LVRN: variants seen among roughly 807,000 people sequenced by gnomAD.
LVRN encodes the protein aminopeptidase Q.
Under a neutral mutation model 111.4 loss-of-function variants are expected in LVRN, and 99 were observed. The observed-to-expected ratio is 0.89, with a 90% confidence interval of 0.76 to 1.05. The LOEUF (loss-of-function observed/expected upper bound fraction) is 1.05. Ranked by LOEUF, LVRN falls within the 50% of genes least tolerant of loss-of-function variation. The pLI is 0.00. For synonymous variants in LVRN, 488 were observed against 449.5 expected (o/e 1.09, Z -1.08); for missense variants, 1,414 against 1,206.8 (o/e 1.17, Z -2.54).
chr5:116,015,185 C>G, intron 16 of LVRN, 67 bp from the exon 17 acceptor site: 5 of 845,656 alleles, frequency 5.9e-6, no homozygotes, highest in Non-Finnish European at 8.0e-6. Context: ...ATTCATACTT[C>G]TAAAATATGA....
At chr5:115,985,339 A>G (rs967213965) in intron 3 of LVRN, among the ~76,000 whole-genome samples, 3 of 152,158 alleles carry the variant, frequency 2.0e-5, no homozygotes, top group Non-Finnish European at 4.4e-5. Flanking sequence ...TAAAGACAGA[A>G]GCATGGTCTT....
chr5:115,997,123 G>A (rs1021466175), intron 6 of LVRN, among the ~76,000 whole-genome samples: 3 of 151,982 alleles, frequency 2.0e-5, no homozygotes, highest in Non-Finnish European at 2.9e-5. Flanking sequence ...CGTTGTGCTT[G>A]GAACATCATG....
rs1431908789 is a variant in LVRN, at chr5:115,981,792, AC to A, written c.696-1494del. 2.0e-5 allele frequency among the ~76,000 whole-genome samples: 3 copies of A among 152,134 alleles called. No individual in the cohort carries two copies. The East Asian group carries it at 5.8e-4, about 29-fold the overall frequency. On this transcript the variant is annotated intron_variant, in intron 1 of 19. Transcript: ENST00000357872. ...TTCCAAGCATCCATTCCATCCTGTA[AC>A]TTATCCCTCTTTGAGTTCTTCTATA...
chr5:116,025,428 T>C (rs1254131041), intron 19 of LVRN, among the ~76,000 whole-genome samples: 1 of 152,206 alleles, frequency 6.6e-6, no homozygotes. Context: ...TATAACTTAT[T>C]ATTCACTTGG....
chr5:115,979,336 C>A (rs1254376738), intron 1 of LVRN, among the ~76,000 whole-genome samples: 1 of 152,168 alleles, frequency 6.6e-6, no homozygotes. Flanking sequence ...TCAGGAAACA[C>A]TTTCACTGCT....
chr5:116,012,429 G>C lies in LVRN; in HGVS notation c.2303G>C (p.Arg768Pro), dbSNP rs747264765. Residue 768 changes from arginine to proline, a missense_variant, in exon 15 of 20, where the codon CGT becomes CCT. By Grantham distance (103) the Arg-to-Pro change is moderately radical. Transcript: ENST00000357872. ...LIWNIYSTII[R>P]ENVLALQDDY... ...TGGAATATTTATTCAACTATAATTCGTGAAAATGTGTTGGCATTACAAGAT... is the reference window on the plus strand; with the variant it reads ...TGGAATATTTATTCAACTATAATTCCTGAAAATGTGTTGGCATTACAAGAT... 2 of 1,546,446 alleles carry C rather than the reference G, an allele frequency of 1.3e-6. No homozygotes were observed. The highest frequency in any genetic ancestry group is 2.7e-5 in the African/African-American group (2 of 72,908).
At chr5:115,979,719 A>T (rs1753522788) in intron 1 of LVRN, among the ~76,000 whole-genome samples, 1 of 152,166 alleles carries the variant, frequency 6.6e-6, no homozygotes, top group Non-Finnish European at 1.5e-5. Flanking sequence ...ACAGTCCAGT[A>T]GTGTAACATC....
intron 1 of LVRN, among the ~76,000 whole-genome samples, chr5:115,964,105 T>C (rs1471922870): frequency 2.6e-5 from 4 of 152,234 alleles, no homozygotes; most frequent in African/African-American, 9.6e-5. Flanking sequence ...CTTTCCACGC[T>C]CTGAGACCAC....
rs1045080226 is a variant in LVRN at position 116,014,616 on chromosome 5, G to A, written c.2450+89G>A. ...TGATGTACTCACTGTGGGAATGAGT[G>A]TTTTGCTTTCACTTGGTTAGGCGCT... On this transcript the variant is annotated intron_variant, in intron 16 of 19. Coordinates refer to ENST00000357872, the MANE Select transcript of LVRN (RefSeq NM_173800.5). The A allele has an allele frequency of 7.4e-6, 8 of 1,074,714 alleles. No homozygotes were observed. The African/African-American group carries it at 1.1e-4, about 15-fold the overall frequency. 66.6% of individuals were successfully genotyped at this position (1,074,714 alleles called of 1,614,324 possible).
chr5:116,007,980 G>C (rs1541804), intron 13 of LVRN, among the ~76,000 whole-genome samples: 128,156 of 152,168 alleles, frequency 0.84, 54,086 homozygotes, highest in African/African-American at 0.88. Flanking sequence ...TCTGACTGCT[G>C]CACTGGCCAG....
rs762129111 is a variant in LVRN at position 116,010,847 on chromosome 5, G to A, written c.2200G>A (p.Asp734Asn). ...AGTCTTGGTAAACTTGGTAACCAGG[G>A]ATCTTGTTTCTGAGGTGAACATCTA... ...HTVLVNLVTR[D>N]LVSEVNIYDI... Residue 734 changes from aspartate (D) to asparagine (N), a missense_variant, in exon 14 of 20, where the codon GAT becomes AAT. Asp to Asn is a conservative substitution (Grantham distance 23). Transcript: ENST00000357872. 6.2e-7 allele frequency: 1 copy of A among 1,611,092 alleles called. No homozygotes were observed. The highest frequency in any genetic ancestry group is 2.2e-5 in the East Asian group (1 of 44,746).
At chr5:115,988,017 C>T in intron 4 of LVRN, 78 bp downstream of exon 4, 1 of 1,524,662 alleles carries the variant, frequency 6.6e-7, no homozygotes. Flanking sequence ...GATACACAGA[C>T]AAACCCATAA....
chr5:115,992,962 C>T (rs932038114), intron 5 of LVRN, among the ~76,000 whole-genome samples: 8 of 152,182 alleles, frequency 5.3e-5, no homozygotes, highest in African/African-American at 1.9e-4. Flanking sequence ...TGGAAAAGAG[C>T]AGTTTACTAG....
chr5:116,004,720 A>G (rs965278469), intron 12 of LVRN, among the ~76,000 whole-genome samples: 7 of 152,326 alleles, frequency 4.6e-5, no homozygotes, highest in African/African-American at 1.7e-4. Context: ...TTAAAAGTCT[A>G]GAGAAGGCAT....
chr5:115,967,559 T>A (rs1753229266), intron 1 of LVRN, among the ~76,000 whole-genome samples: 1 of 152,176 alleles, frequency 6.6e-6, no homozygotes, highest in Non-Finnish European at 1.5e-5. Context: ...TGTCTTTTTT[T>A]AGAATTGTTT....
chr5:116,012,439 G>A lies in LVRN; in HGVS notation c.2313G>A (p.Val771=). The part of the protein sequence containing the change: ...NIYSTIIREN[V]LALQDDYLAL... ...ATTCAACTATAATTCGTGAAAATGT[G>A]TTGGCATTACAAGATGACTACTTAG... is the stretch of plus-strand genomic sequence containing the variant. Residue 771 remains valine (V), a synonymous_variant, in exon 15 of 20, where the codon GTG becomes GTA. Coordinates refer to ENST00000357872, the MANE Select transcript of LVRN (RefSeq NM_173800.5). The A allele has an allele frequency of 6.5e-7, 1 of 1,547,992 alleles. No homozygotes were observed. The highest frequency in any genetic ancestry group is 8.9e-7 in the Non-Finnish European group (1 of 1,127,774).
At chr5:116,008,595 C>CATGA (rs200716303) in intron 13 of LVRN, among the ~76,000 whole-genome samples, 71,297 of 150,300 alleles carry the variant, frequency 0.47, 17,300 homozygotes, top group South Asian at 0.57. Context: ...CCAGTGAATA[C>CATGA]ATGAATGATT....
At chr5:115,989,773 G>A (rs28505580) in intron 4 of LVRN, among the ~76,000 whole-genome samples, 17,468 of 152,126 alleles carry the variant, frequency 0.11, 1,538 homozygotes, top group East Asian at 0.26. Flanking sequence ...CCCTATGAGC[G>A]CCCATAGGAG....
rs79681984 is a variant in LVRN at position 115,971,358 on chromosome 5, T to G, written c.695+8046T>G. On this transcript the variant is annotated intron_variant, in intron 1 of 19. Coordinates refer to ENST00000357872, the MANE Select transcript of LVRN (RefSeq NM_173800.5). ...TAATGAAGTTCAGTTTATCAATGTTTCCTTATATATATCAAGCTTTTGTTG... is the reference window on the plus strand; with the variant it reads ...TAATGAAGTTCAGTTTATCAATGTTGCCTTATATATATCAAGCTTTTGTTG... Among the ~76,000 whole-genome samples the G allele has an allele frequency of 8.1e-3, 1,233 of 152,348 alleles. 4 individuals carry two copies. Among genetic ancestry groups the G allele is most frequent in the Non-Finnish European group, 0.013 (877 of 68,030 alleles).
Sources: allele counts gnomAD v4.1 joint callset (sites outside exome capture counted in the v4.1 genomes callset), GRCh38; gene constraint gnomAD v4.1.1; transcripts MANE v1.5; gene names NCBI Gene and HGNC (gene_info 2026-07-23, HGNC 2026-07-21).